The following GPR107 variants were observed in gnomAD, a reference collection of about 807,000 sequenced individuals.
GPR107 encodes the protein G protein-coupled receptor 107.
A neutral mutation model predicts 75.5 loss-of-function variants in GPR107; 31 were observed. The observed-to-expected ratio is 0.41, with a 90% confidence interval of 0.31 to 0.55. GPR107 has a LOEUF of 0.55. Among genes scored for constraint, GPR107 ranks in the 20% least tolerant of loss-of-function variants. The probability of loss-of-function intolerance (pLI) is 0.26; values close to 1 mark genes in which losing one functional copy is unlikely to be tolerated. For synonymous variants in GPR107, 267 were observed against 251.3 expected (o/e 1.06, Z -0.59); for missense variants, 572 against 665.7 (o/e 0.86, Z 1.55).
At chr9:130,085,479 A>T (rs1288882032) in intron 6 of GPR107, among the ~76,000 whole-genome samples, 2 of 152,196 alleles carry the variant, frequency 1.3e-5, no homozygotes, top group African/African-American at 4.8e-5. Context: ...GTAGATATGT[A>T]AAGCAGCAAT....
At chr9:130,070,240 G>A (rs1830173274) in intron 1 of GPR107, among the ~76,000 whole-genome samples, 1 of 150,626 alleles carries the variant, frequency 6.6e-6, no homozygotes, top group South Asian at 2.1e-4. Context: ...GGGCTCAAGT[G>A]ATCCTTCTGC....
intron 17 of GPR107, among the ~76,000 whole-genome samples, chr9:130,132,662 C>G (rs1831854798): frequency 1.3e-5 from 2 of 151,978 alleles, no homozygotes. Context: ...GGACATGTAC[C>G]TATAATCCAG....
In GPR107 at chr9:130,104,492, G is replaced by T. The variant is rs1455878923; in HGVS notation, c.1204G>T (p.Asp402Tyr). 6.2e-7 allele frequency: 1 copy of T among 1,613,298 alleles called. No homozygotes were observed. Among genetic ancestry groups the T allele is most frequent in the Non-Finnish European group, 8.5e-7 (1 of 1,179,336 alleles). The change falls in exon 13 of 18, where the codon GAC becomes TAC. Residue 402 changes from aspartate (D) to tyrosine (Y), a missense_variant. Asp to Tyr is a radical substitution (Grantham distance 160). Coordinates refer to ENST00000347136, the MANE Select transcript of GPR107 (RefSeq NM_020960.5). ...CACGACTGAATATGGCTTGTGGAAG[G>T]ACTCTCTATTTCTGGTCGACCTGTT... ...EGTTEYGLWK[D>Y]SLFLVDLLCC...
chr9:130,098,690 C>CT (rs1216516852), intron 9 of GPR107, among the ~76,000 whole-genome samples: 3 of 151,992 alleles, frequency 2.0e-5, no homozygotes, highest in Admixed American at 6.6e-5. Flanking sequence ...CATTCAAGGC[C>CT]TTTTTTACCA....
In GPR107 at chr9:130,135,186, C is replaced by T. The variant is rs1026792258; in HGVS notation, c.*65C>T. 19 of 789,654 alleles carry T rather than the reference C, an allele frequency of 2.4e-5. No individual in the cohort carries two copies. The highest frequency in any genetic ancestry group is 3.4e-5 in the African/African-American group (2 of 58,114). The allele number at this position is 789,654 out of a possible 1,614,324, so 48.9% of individuals were successfully genotyped here. On this transcript the variant is annotated 3_prime_UTR_variant, in exon 18 of 18. Transcript: ENST00000347136. ...TTAACTTATTCATAGTCCTATTGGA[C>T]AGCAGGAGCAGCTCCTACAGTGAAC...
At chr9:130,070,115 G>A (rs1445311861) in intron 1 of GPR107, among the ~76,000 whole-genome samples, 2 of 145,630 alleles carry the variant, frequency 1.4e-5, no homozygotes, top group Non-Finnish European at 3.0e-5. Flanking sequence ...TCCCACCTCA[G>A]CCTCTTGAGT....
At chr9:130,054,214 G>A (rs1251728160) in intron 1 of GPR107, 141 bp downstream of exon 1, 10 of 838,376 alleles carry the variant, frequency 1.2e-5, no homozygotes, top group Non-Finnish European at 1.3e-5. Flanking sequence ...GACAGGTGGC[G>A]GGGTCTGTGG....
At chr9:130,064,643 C>G in intron 1 of GPR107, among the ~76,000 whole-genome samples, 1 of 152,180 alleles carries the variant, frequency 6.6e-6, no homozygotes. Flanking sequence ...AGTGCCCCCA[C>G]AAGTTCATGT....
At chr9:130,064,480 G>A (rs917181797) in intron 1 of GPR107, among the ~76,000 whole-genome samples, 3 of 152,056 alleles carry the variant, frequency 2.0e-5, no homozygotes, top group South Asian at 2.1e-4. Context: ...GATTACAGGC[G>A]TGAGCCACCG....
chr9:130,100,407 C>T (rs750021853), intron 10 of GPR107, among the ~76,000 whole-genome samples: 13 of 152,186 alleles, frequency 8.5e-5, no homozygotes, highest in Non-Finnish European at 1.8e-4. Flanking sequence ...CTGTGGGCCT[C>T]CAAGTGCCCG....
At chr9:130,064,108 C>T (rs1032531244) in intron 1 of GPR107, among the ~76,000 whole-genome samples, 2 of 151,414 alleles carry the variant, frequency 1.3e-5, no homozygotes, top group Non-Finnish European at 2.9e-5. Flanking sequence ...CCACTGCGCC[C>T]AGCCAGGGTT....
intron 17 of GPR107, among the ~76,000 whole-genome samples, chr9:130,133,665 G>A (rs569485481): frequency 6.7e-4 from 102 of 152,316 alleles, no homozygotes; most frequent in African/African-American, 1.5e-3. Context: ...CAGAAGTGAC[G>A]CTGGGCGGCT....
In GPR107 at chr9:130,128,988, G is replaced by A. The variant is rs921894218; in HGVS notation, c.1562+227G>A. The A allele has an allele frequency of 2.5e-5, 11 of 447,306 alleles. No individual in the cohort carries two copies. In the South Asian group the frequency reaches 2.9e-4, roughly 12 times the overall value. 27.7% of individuals were successfully genotyped at this position (447,306 alleles called of 1,614,324 possible). On this transcript the variant is annotated intron_variant, in intron 17 of 17. Transcript: ENST00000347136. ...CTTGTCAGGGAAGATGGAACTTGCC[G>A]TTCCACTAAGCATCATTGGAGCCTG... is the stretch of plus-strand genomic sequence containing the variant.
intron 1 of GPR107, among the ~76,000 whole-genome samples, chr9:130,055,971 A>AAATC (rs1564654892): frequency 6.6e-6 from 1 of 151,884 alleles, no homozygotes; most frequent in Non-Finnish European, 1.5e-5. Flanking sequence ...ATAAATAAAT[A>AAATC]AATGCAAGCC....
intron 4 of GPR107, among the ~76,000 whole-genome samples, chr9:130,077,794 A>C (rs567948287): frequency 1.3e-5 from 2 of 152,222 alleles, no homozygotes; most frequent in African/African-American, 4.8e-5. Context: ...TCCGGGCCTC[A>C]GTGTCCTTAC....
intron 5 of GPR107, among the ~76,000 whole-genome samples, chr9:130,081,914 T>C (rs1437938078): frequency 6.6e-6 from 1 of 151,716 alleles, no homozygotes; most frequent in Non-Finnish European, 1.5e-5. Flanking sequence ...GAGGTTTAAT[T>C]GTCTAATTGC....
intron 14 of GPR107, among the ~76,000 whole-genome samples, chr9:130,114,111 G>A (rs946318423): frequency 2.3e-5 from 3 of 128,660 alleles, no homozygotes; most frequent in Non-Finnish European, 4.6e-5. Flanking sequence ...GCTTATGCCT[G>A]TAATCCCAGC....
chr9:130,118,546 C>T lies in GPR107; in HGVS notation c.1307-6369C>T, dbSNP rs1831478893. Among the ~76,000 whole-genome samples, 3 of 152,118 alleles carry T rather than the reference C, an allele frequency of 2.0e-5. No homozygotes were observed. In the South Asian group the frequency reaches 6.2e-4, roughly 32 times the overall value. ...ATCAGTAAGAAGGACTTACCAGAAT[C>T]GAGTGTCATGGTTATTTTCCTCAGA... On this transcript the variant is annotated intron_variant, in intron 14 of 17. Transcript: ENST00000347136.
intron 14 of GPR107, chr9:130,108,803 C>T (rs1238706610): frequency 1.5e-5 from 7 of 455,110 alleles, no homozygotes; most frequent in Non-Finnish European, 2.2e-5. Context: ...CTGGAGTGTC[C>T]TCTTGTGATA....
Sources: gnomAD v4.1 joint callset for allele counts (sites outside exome capture counted in the v4.1 genomes callset) on GRCh38, gnomAD v4.1.1 for gene constraint, MANE v1.5 for transcripts, NCBI Gene and HGNC (gene_info 2026-07-23, HGNC 2026-07-21) for gene names.